ACSBG1: variants seen among roughly 807,000 people sequenced by gnomAD.
ACSBG1 encodes acyl-CoA synthetase bubblegum family member 1.
In ACSBG1, 39 loss-of-function variants were observed where a neutral mutation model predicts 80.2. The observed-to-expected ratio is 0.49, with a 90% confidence interval of 0.38 to 0.64. The LOEUF is 0.64. Among genes scored for constraint, ACSBG1 ranks in the 30% least tolerant of loss-of-function variants. The pLI, the probability that ACSBG1 is intolerant of heterozygous loss-of-function variation, is 0.00. For synonymous variants in ACSBG1, 392 were observed against 379.5 expected, an observed-to-expected ratio of 1.03 and a Z score of -0.38; for missense variants, 828 against 966.4, an observed-to-expected ratio of 0.86 and a Z score of 1.90.
chr15:78,187,264 A>G (rs997555005), intron 5 of ACSBG1, among the ~76,000 whole-genome samples: 17 of 152,356 alleles, frequency 1.1e-4, no homozygotes, highest in Admixed American at 9.8e-4. Flanking sequence ...AGCTGATACC[A>G]TTCCTTCTGA....
intron 2 of ACSBG1, among the ~76,000 whole-genome samples, chr15:78,203,015 T>C (rs1164966821): frequency 1.3e-5 from 2 of 152,028 alleles, no homozygotes; most frequent in African/African-American, 4.8e-5. Context: ...TAATGACATA[T>C]GGAAATGTTC....
rs1331028460 is a variant in ACSBG1, at chr15:78,193,951, C to T, written c.523G>A (p.Val175Met). ...ACTCACCCTGCAAATACTGTGCCCACTGCCGAGAAGAACCACTCCGGGGAG... is the reference window on the plus strand; with the variant it reads ...ACTCACCCTGCAAATACTGTGCCCATTGCCGAGAAGAACCACTCCGGGGAG... ...FNSPEWFFSAVGTVFAGGIVT... is the reference protein window; with the variant it reads ...FNSPEWFFSAMGTVFAGGIVT... The change falls in exon 4 of 14, where the codon GTG becomes ATG. Residue 175 changes from valine (V) to methionine (M), a missense_variant. By Grantham distance (21) the Val-to-Met change is conservative (BLOSUM62 1). Around this residue, in one of 3 missense-constraint regions of ACSBG1, gnomAD observed 356 missense variants for 363.5 expected, o/e 0.98. Coordinates refer to ENST00000258873, the MANE Select transcript of ACSBG1 (RefSeq NM_015162.5). 2 of 1,614,068 alleles carry T rather than the reference C, an allele frequency of 1.2e-6. No individual in the cohort carries two copies. Among genetic ancestry groups the T allele is most frequent in the Non-Finnish European group, 1.7e-6 (2 of 1,180,012 alleles).
In ACSBG1 at chr15:78,167,518, A is replaced by AGG. The variant is rs2074759422; in HGVS notation, c.*3925_*3926insCC. 2 of 152,250 alleles carry AGG rather than the reference A, an allele frequency of 1.3e-5. No individual in the cohort carries two copies. The highest frequency in any genetic ancestry group is 4.8e-5 in the African/African-American group (2 of 41,464). The allele number at this position is 152,250 out of a possible 1,614,324, so 9.4% of individuals were successfully genotyped here. ...AAATTGTGAAAAATATGCATAACAT[A>AGG]AAATTTGCCATTTTAGCCGTATTTA... On this transcript the variant is annotated 3_prime_UTR_variant, in exon 14 of 14. Coordinates refer to ENST00000258873, the MANE Select transcript of ACSBG1 (RefSeq NM_015162.5).
rs143532291 is a variant in ACSBG1, at chr15:78,190,480, A to T, written c.663+3026T>A. ...CAGCTACTTGGGAGGCTGAGGTGGG[A>T]GGATTGCTTGAGCCCAGGAGGTTGA... On this transcript the variant is annotated intron_variant, in intron 5 of 13. Coordinates refer to ENST00000258873, the MANE Select transcript of ACSBG1 (RefSeq NM_015162.5). Among the ~76,000 whole-genome samples the T allele has an allele frequency of 1.4e-4, 19 of 139,688 alleles. No homozygotes were observed. The East Asian group carries it at 4.5e-3, about 33-fold the overall frequency. The allele number at this position is 139,688 out of a possible 152,430, so 91.6% of individuals were successfully genotyped here. A position where few individuals can be genotyped will look rare whatever the true frequency, so the allele number is the denominator to read the frequency against.
At position 78,173,616 on chromosome 15, in the gene ACSBG1, A is replaced by G; in HGVS notation, c.2066T>C (p.Phe689Ser). ...ACCCAACTCTCCACCCGAAATGGAGAAGTCTCTCTCGAGAATGGCCCACTT... is the reference window on the plus strand; with the variant it reads ...ACCCAACTCTCCACCCGAAATGGAGGAGTCTCTCTCGAGAATGGCCCACTT... Reference protein sequence around the residue: ...IQKWAILERDFSISGGELGPT... With the variant: ...IQKWAILERDSSISGGELGPT... Residue 689 changes from phenylalanine (F) to serine (S), a missense_variant, in exon 13 of 14, where the codon TTC becomes TCC. Coordinates refer to ENST00000258873, the MANE Select transcript of ACSBG1 (RefSeq NM_015162.5). The G allele has an allele frequency of 6.2e-7, 1 of 1,614,164 alleles. No homozygotes were observed. The highest frequency in any genetic ancestry group is 8.5e-7 in the Non-Finnish European group (1 of 1,180,036).
At chr15:78,205,254 T>C (rs2075202723) in intron 2 of ACSBG1, among the ~76,000 whole-genome samples, 1 of 152,110 alleles carries the variant, frequency 6.6e-6, no homozygotes, top group Admixed American at 6.5e-5. Context: ...AGCTGCTTCC[T>C]GGGAGTACAG....
At position 78,171,556 on chromosome 15, in the gene ACSBG1, T is replaced by C. The variant is rs769884974; in HGVS notation, c.2090-27A>G. 7 of 1,584,938 alleles carry C rather than the reference T, an allele frequency of 4.4e-6. No individual in the cohort carries two copies. The South Asian group carries it at 7.7e-5, about 18-fold the overall frequency. On this transcript the variant is annotated intron_variant, in intron 13 of 13. Transcript: ENST00000258873. ...TAAAAGGGAAATGAGAAGAAATGAG[T>C]GAGGCCCAGGCTCTGAGAACTCTGA...
chr15:78,172,366 G>T lies in ACSBG1; in HGVS notation c.2090-837C>A, dbSNP rs2074834505. 1.3e-5 allele frequency among the ~76,000 whole-genome samples: 2 copies of T among 152,226 alleles called. No homozygotes were observed. Among genetic ancestry groups the T allele is most frequent in the Admixed American group, 6.5e-5 (1 of 15,284 alleles). On this transcript the variant is annotated intron_variant, in intron 13 of 13. Coordinates refer to ENST00000258873, the MANE Select transcript of ACSBG1 (RefSeq NM_015162.5). The surrounding 1 kb of genome is among the most constrained non-coding windows in gnomAD (Gnocchi z 4.1). ...TATACAACGTTGGACATTATGCTTT[G>T]ATGGTTGTGATGGGGGTAGGGGAAG... is the stretch of plus-strand genomic sequence containing the variant.
intron 11 of ACSBG1, among the ~76,000 whole-genome samples, chr15:78,176,153 C>T (rs946594887): frequency 3.9e-5 from 6 of 152,118 alleles, no homozygotes; most frequent in Admixed American, 6.5e-5. Flanking sequence ...AGCAATCCTC[C>T]TGCCTCAGCC....
Position 78,178,902 on chromosome 15 carries a change from G to A in ACSBG1, c.1485-71C>T, listed in dbSNP as rs2074912076. ...TCCAAGCCCCCACTGGGGAGCCGGGGTCCCAACTGCTCGGTCTTCACTGAT... is the reference window on the plus strand; with the variant it reads ...TCCAAGCCCCCACTGGGGAGCCGGGATCCCAACTGCTCGGTCTTCACTGAT... On this transcript the variant is annotated intron_variant, in intron 10 of 13. Coordinates refer to ENST00000258873, the MANE Select transcript of ACSBG1 (RefSeq NM_015162.5). This position sits in a 1 kb window ranked among gnomAD's most constrained non-coding sequence, Gnocchi z 4.3. 1 of 1,464,606 alleles carries A rather than the reference G, an allele frequency of 6.8e-7. No individual in the cohort carries two copies. Among genetic ancestry groups the A allele is most frequent in the Non-Finnish European group, 9.1e-7 (1 of 1,093,190 alleles). 90.7% of individuals were successfully genotyped at this position (1,464,606 alleles called of 1,614,324 possible).
chr15:78,176,849 G>A (rs2074887551), intron 11 of ACSBG1, among the ~76,000 whole-genome samples: 1 of 152,012 alleles, frequency 6.6e-6, no homozygotes, highest in African/African-American at 2.4e-5. Context: ...GATCACTTGA[G>A]CCCAGGAGGT....
chr15:78,208,443 C>A (rs751955178), intron 1 of ACSBG1, among the ~76,000 whole-genome samples: 2 of 152,158 alleles, frequency 1.3e-5, no homozygotes, highest in Non-Finnish European at 2.9e-5. Flanking sequence ...TGGATGAGGA[C>A]GGGGCTAAGG....
At chr15:78,189,841 A>G (rs1223674423) in intron 5 of ACSBG1, among the ~76,000 whole-genome samples, 6 of 152,104 alleles carry the variant, frequency 3.9e-5, no homozygotes, top group African/African-American at 1.4e-4. Context: ...AATAAAATAA[A>G]TAAAAATAAA....
In ACSBG1 at chr15:78,171,539, A is replaced by T. The variant is rs777782663; in HGVS notation, c.2090-10T>A. 2 of 1,607,128 alleles carry T rather than the reference A, an allele frequency of 1.2e-6. No individual in the cohort carries two copies. Among genetic ancestry groups the T allele is most frequent in the Non-Finnish European group, 1.7e-6 (2 of 1,173,592 alleles). On this transcript the variant is annotated splice_polypyrimidine_tract_variant and intron_variant, in intron 13 of 13. Coordinates refer to ENST00000258873, the MANE Select transcript of ACSBG1 (RefSeq NM_015162.5). ...AGTTTCATCGTGGGACCTAAAAGGG[A>T]AATGAGAAGAAATGAGTGAGGCCCA...
In ACSBG1 at chr15:78,182,455, A is replaced by G. The variant is rs2079050019; in HGVS notation, c.894+11T>C. 1 of 1,582,738 alleles carries G rather than the reference A, an allele frequency of 6.3e-7. No homozygotes were observed. Among genetic ancestry groups the G allele is most frequent in the African/African-American group, 1.4e-5 (1 of 73,552 alleles). On this transcript the variant is annotated intron_variant, in intron 7 of 13. Coordinates refer to ENST00000258873, the MANE Select transcript of ACSBG1 (RefSeq NM_015162.5). The stretch of plus-strand genomic sequence containing the variant: ...TTGCACCCCCCCCACCCCACCGGGC[A>G]TCTGTCCTACATTGTCTTGACTCAG...
At chr15:78,224,677 C>T (rs954833751) in intron 1 of ACSBG1, among the ~76,000 whole-genome samples, 2 of 151,896 alleles carry the variant, frequency 1.3e-5, no homozygotes, top group African/African-American at 4.8e-5. Flanking sequence ...GCCGAGATCG[C>T]GCCACTGCAC....
intron 2 of ACSBG1, among the ~76,000 whole-genome samples, chr15:78,202,937 G>A (rs536417219): frequency 1.3e-5 from 2 of 152,220 alleles, no homozygotes; most frequent in Middle Eastern, 6.8e-3. Context: ...CTCTTATTCA[G>A]TTCATTATGG....
intron 5 of ACSBG1, among the ~76,000 whole-genome samples, chr15:78,189,086 G>T (rs1402543430): frequency 6.6e-6 from 1 of 151,924 alleles, no homozygotes; most frequent in African/African-American, 2.4e-5. Flanking sequence ...ACCATCACTG[G>T]CCATCAGAGA....
intron 1 of ACSBG1, among the ~76,000 whole-genome samples, chr15:78,222,560 G>C (rs1293773560): frequency 6.6e-6 from 1 of 152,208 alleles, no homozygotes; most frequent in African/African-American, 2.4e-5. Context: ...CTACTTGGGA[G>C]GCTGAGGCAG....
Sources: gnomAD v4.1 joint callset for allele counts (sites outside exome capture counted in the v4.1 genomes callset) on GRCh38, gnomAD v4.1.1 for gene constraint, gnomAD v4.1.1 regional missense constraint, Gnocchi (gnomAD v3.1) non-coding constraint, MANE v1.5 for transcripts, NCBI Gene and HGNC (gene_info 2026-07-23, HGNC 2026-07-21) for gene names.